GALNT13: variants seen among roughly 807,000 people sequenced by gnomAD.
GALNT13 encodes polypeptide N-acetylgalactosaminyltransferase 13.
A neutral mutation model predicts 64.2 loss-of-function variants in GALNT13; 28 were observed. The ratio of observed to expected loss-of-function variants is 0.44; its 90% CI spans 0.32 to 0.60. The LOEUF is 0.60. Ranked by LOEUF, GALNT13 falls within the 20% of genes least tolerant of loss-of-function variation. The pLI, the probability that GALNT13 is intolerant of heterozygous loss-of-function variation, is 0.05. For synonymous variants in GALNT13, 214 were observed against 224.6 expected, an observed-to-expected ratio of 0.95 and a Z score of 0.42; for missense variants, 577 against 669.8, an observed-to-expected ratio of 0.86 and a Z score of 1.53.
At chr2:153,746,339 TTGGTTTTGTTGTGAAACATTAA>T in the GALNT13 span, among the ~76,000 whole-genome samples, 1 of 152,150 alleles carries the variant, frequency 6.6e-6, no homozygotes. Context: ...AGCTAATGGA[TTGGTTTTGTTGTGAAACATTAA>T]TGGTTTTGTT....
chr2:153,137,033 A>G, the GALNT13 span, among the ~76,000 whole-genome samples: 2 of 152,114 alleles, frequency 1.3e-5, no homozygotes, highest in East Asian at 1.9e-4. Context: ...TCCTAAAAAA[A>G]CTACTGGGCA....
intron 3 of GALNT13, among the ~76,000 whole-genome samples, chr2:154,111,395 A>T (rs1186564607): frequency 6.6e-6 from 1 of 152,216 alleles, no homozygotes; most frequent in Non-Finnish European, 1.5e-5. Flanking sequence ...GTTGTAGAGT[A>T]GTAAACTGAT....
At chr2:154,298,564 T>G (rs12993724) in intron 8 of GALNT13, among the ~76,000 whole-genome samples, 248 of 53,920 alleles carry the variant, frequency 4.6e-3, no homozygotes, top group Admixed American at 6.5e-3. Flanking sequence ...TATATATAAT[T>G]TATATATAAA....
the GALNT13 span, among the ~76,000 whole-genome samples, chr2:153,675,020 G>A: frequency 2.0e-5 from 3 of 152,146 alleles, no homozygotes; most frequent in African/African-American, 7.2e-5. Flanking sequence ...AAGTTAGAAT[G>A]GTGATCATTA....
intron 9 of GALNT13, among the ~76,000 whole-genome samples, chr2:154,310,068 A>C (rs1027756401): frequency 1.3e-5 from 2 of 152,156 alleles, no homozygotes; most frequent in Admixed American, 1.3e-4. Flanking sequence ...ATGTCTAAAA[A>C]AGTATTTGAG....
At chr2:154,424,403 C>A (rs961754615) in intron 11 of GALNT13, among the ~76,000 whole-genome samples, 1 of 152,140 alleles carries the variant, frequency 6.6e-6, no homozygotes, top group Non-Finnish European at 1.5e-5. Flanking sequence ...TGTGCTATAT[C>A]ATATTTAATA....
At chr2:153,260,333 C>A in the GALNT13 span, among the ~76,000 whole-genome samples, 3 of 152,110 alleles carry the variant, frequency 2.0e-5, no homozygotes, top group African/African-American at 7.2e-5. Flanking sequence ...CATTAATATC[C>A]CTTTTCTTGC....
intron 2 of GALNT13, among the ~76,000 whole-genome samples, chr2:153,919,564 G>C (rs1383221194): frequency 6.6e-6 from 1 of 151,832 alleles, no homozygotes; most frequent in African/African-American, 2.4e-5. Context: ...ATTATAAACC[G>C]TGAGGCAAGG....
intron 2 of GALNT13, among the ~76,000 whole-genome samples, chr2:153,901,619 T>C (rs1038111167): frequency 1.3e-5 from 2 of 152,090 alleles, no homozygotes; most frequent in African/African-American, 4.8e-5. Flanking sequence ...AAATTGTTGT[T>C]GTAGAGAAAT....
At chr2:154,369,632 T>G (rs1371523578) in intron 9 of GALNT13, among the ~76,000 whole-genome samples, 1 of 152,078 alleles carries the variant, frequency 6.6e-6, no homozygotes, top group African/African-American at 2.4e-5. Flanking sequence ...CATGAGCCAG[T>G]CTCCTCTTAA....
At chr2:154,125,544 A>T (rs527798463) in intron 3 of GALNT13, among the ~76,000 whole-genome samples, 36 of 152,346 alleles carry the variant, frequency 2.4e-4, no homozygotes, top group African/African-American at 8.7e-4. Flanking sequence ...GGCTACTGCA[A>T]ACTTAAAAGG....
intron 4 of GALNT13, among the ~76,000 whole-genome samples, chr2:154,148,073 C>A (rs939477108): frequency 1.3e-5 from 2 of 152,026 alleles, no homozygotes; most frequent in African/African-American, 2.4e-5. Context: ...CCACCCTCCA[C>A]CTTCCCCCCT....
At chr2:154,455,236 C>T (rs1702016448), downstream of GALNT13, among the ~76,000 whole-genome samples, 1 of 152,158 alleles carries the variant, frequency 6.6e-6, no homozygotes, top group Admixed American at 6.6e-5. Context: ...TCTCCCACCG[C>T]ACATGGTTTC....
At chr2:153,223,795 C>T in the GALNT13 span, among the ~76,000 whole-genome samples, 1 of 151,496 alleles carries the variant, frequency 6.6e-6, no homozygotes, top group Non-Finnish European at 1.5e-5. Flanking sequence ...CCCGCCTCTA[C>T]TAAAAAAAAA....
chr2:153,962,741 T>C (rs974117002), intron 3 of GALNT13, among the ~76,000 whole-genome samples: 1 of 152,200 alleles, frequency 6.6e-6, no homozygotes, highest in Admixed American at 6.5e-5. Context: ...GATCTCAGAT[T>C]TAATCTCACA....
intron 1 of GALNT13, among the ~76,000 whole-genome samples, chr2:153,880,889 C>G (rs974180658): frequency 6.6e-6 from 1 of 151,874 alleles, no homozygotes; most frequent in Admixed American, 6.6e-5. Flanking sequence ...AATTGTCTCT[C>G]TTTTATGACT....
At chr2:153,692,467 A>G in the GALNT13 span, among the ~76,000 whole-genome samples, 2 of 152,236 alleles carry the variant, frequency 1.3e-5, no homozygotes, top group African/African-American at 4.8e-5. Flanking sequence ...GAGAAGACAA[A>G]CAGGTCTTGG....
intron 2 of GALNT13, among the ~76,000 whole-genome samples, chr2:153,913,396 T>C (rs1689116049): frequency 6.6e-6 from 1 of 152,122 alleles, no homozygotes; most frequent in Non-Finnish European, 1.5e-5. Context: ...TGCACACATG[T>C]CCTGTCTCAT....
chr2:153,814,705 A>G, the GALNT13 span, among the ~76,000 whole-genome samples: 78,296 of 151,892 alleles, frequency 0.52, 21,060 homozygotes, highest in Admixed American at 0.64. Context: ...ACCTACTGCC[A>G]ATCAATGCTC....
Sources: gnomAD v4.1 joint callset for allele counts (sites outside exome capture counted in the v4.1 genomes callset) on GRCh38, gnomAD v4.1.1 for gene constraint, MANE v1.5 for transcripts, NCBI Gene and HGNC (gene_info 2026-07-23, HGNC 2026-07-21) for gene names.